TSTD2: variants seen among roughly 807,000 people sequenced by gnomAD.
TSTD2 encodes thiosulfate sulfurtransferase/rhodanese-like domain-containing protein 2.
Under a neutral mutation model 47.9 loss-of-function variants are expected in TSTD2, and 37 were observed. That is an observed-to-expected ratio of 0.77 (90% CI 0.59 to 1.02). The LOEUF is 1.02. TSTD2 is among the 50% of genes least tolerant of loss of function. TSTD2 has a pLI of 0.00. For missense variants in TSTD2, 586 were observed against 616.0 expected (o/e 0.95, Z 0.52); for synonymous variants, 201 against 215.9 (o/e 0.93, Z 0.61).
At chr9:97,602,862 C>T in intron 9 of TSTD2, 95 bp from the exon 10 acceptor site, 1 of 1,315,752 alleles carries the variant, frequency 7.6e-7, no homozygotes, top group Non-Finnish European at 1.0e-6. Context: ...CTCGTAGATC[C>T]TGTGGAACCC....
At chr9:97,603,519 A>T (rs1826307927) in intron 9 of TSTD2, among the ~76,000 whole-genome samples, 1 of 152,194 alleles carries the variant, frequency 6.6e-6, no homozygotes, top group South Asian at 2.1e-4. Context: ...CGAAGTAGTG[A>T]TCAATAAGAG....
Position 97,617,756 on chromosome 9 carries a change from C to A in TSTD2, c.603+1G>T, listed in dbSNP as rs1434649040. On this transcript the variant is annotated splice_donor_variant, in intron 4 of 9. Transcript: ENST00000341170. LOFTEE classifies it high-confidence loss of function. ...GGAAGGAATATAGGAGAAGGTGTTA[C>A]CTTGCCTGTGAGGTGCAGGTGCTGA... 1.2e-6 allele frequency: 2 copies of A among 1,612,540 alleles called. No individual in the cohort carries two copies. The highest frequency in any genetic ancestry group is 3.4e-5 in the Admixed American group (2 of 59,536).
intron 1 of TSTD2, among the ~76,000 whole-genome samples, chr9:97,628,339 T>C (rs1826755844): frequency 6.6e-6 from 1 of 152,166 alleles, no homozygotes; most frequent in Admixed American, 6.5e-5. Flanking sequence ...AGAGGCACAC[T>C]GAGAAAAAGT....
In TSTD2 at chr9:97,600,357, C is replaced by T; in HGVS notation, c.*2112G>A. The T allele has an allele frequency of 1.0e-6, 1 of 986,004 alleles. No individual in the cohort carries two copies. Among genetic ancestry groups the T allele is most frequent in the African/African-American group, 1.7e-5 (1 of 57,316 alleles). 61.1% of individuals were successfully genotyped at this position (986,004 alleles called of 1,614,324 possible). A position where few individuals can be genotyped will look rare whatever the true frequency, so the allele number is the denominator to read the frequency against. ...TGGTGAAATTTCAAGTTTCAAAAAC[C>T]AACCTTTCATTACCAATCCCAGGCA... On this transcript the variant is annotated 3_prime_UTR_variant, in exon 10 of 10. Coordinates refer to ENST00000341170, the MANE Select transcript of TSTD2 (RefSeq NM_139246.5).
chr9:97,618,494 G>T (rs953597676), intron 3 of TSTD2, among the ~76,000 whole-genome samples: 1 of 152,146 alleles, frequency 6.6e-6, no homozygotes, highest in Non-Finnish European at 1.5e-5. Context: ...TAAAATCAGA[G>T]AATGGAAATA....
In TSTD2 at chr9:97,602,583, G is replaced by A. The variant is rs117628421; in HGVS notation, c.1437C>T (p.Cys479=). The change falls in exon 10 of 10, where the codon TGC becomes TGT. Residue 479 remains cysteine (C), a synonymous_variant. Transcript: ENST00000341170. ...TGCGTGGCCGTCGGGCTGTGCACTC[G>A]CATTCCTCTTTAAAGCTGTCTTGCA... ...GPMQDSFKEE[C]ECTARRPRIP... is the part of the protein sequence containing the mutation. 4,592 of 1,614,148 alleles carry A rather than the reference G, an allele frequency of 2.8e-3. 53 individuals carry two copies. Among genetic ancestry groups the A allele is most frequent in the East Asian group, 9.8e-3 (441 of 44,874 alleles).
At chr9:97,626,910 A>C (rs1826730730) in intron 2 of TSTD2, among the ~76,000 whole-genome samples, 1 of 129,892 alleles carries the variant, frequency 7.7e-6, no homozygotes, top group Non-Finnish European at 1.6e-5. Context: ...AAAAGGCAAA[A>C]GAAATGCTAC....
rs747910437 is a variant in TSTD2, at chr9:97,601,624, A to G, written c.*845T>C. 3.0e-6 allele frequency: 3 copies of G among 986,270 alleles called. No individual in the cohort carries two copies. The highest frequency in any genetic ancestry group is 1.2e-4 in the Admixed American group (2 of 16,488). 61.1% of individuals were successfully genotyped at this position (986,270 alleles called of 1,614,324 possible). On this transcript the variant is annotated 3_prime_UTR_variant, in exon 10 of 10. Transcript: ENST00000341170. The stretch of plus-strand genomic sequence containing the variant: ...CAAACTTTTCTGTAAAAGGCCAGAC[A>G]GTAAAAATTTCCGATTTTGCAGGCC...
At chr9:97,621,467 G>C (rs1826634767) in intron 3 of TSTD2, among the ~76,000 whole-genome samples, 1 of 152,194 alleles carries the variant, frequency 6.6e-6, no homozygotes, top group African/African-American at 2.4e-5. Context: ...CTGCCTGCGG[G>C]GCCGGGCAGA....
At chr9:97,626,100 T>C (rs1826716188) in intron 2 of TSTD2, 103 bp from the exon 3 acceptor site, 1 of 1,102,650 alleles carries the variant, frequency 9.1e-7, no homozygotes. Flanking sequence ...CAGGGGCTTC[T>C]AGTTTTATGT....
intron 1 of TSTD2, among the ~76,000 whole-genome samples, chr9:97,627,929 C>T (rs1826748908): frequency 6.6e-6 from 1 of 152,148 alleles, no homozygotes; most frequent in African/African-American, 2.4e-5. Context: ...GAAGAATAAT[C>T]AGCAGGGTAG....
At chr9:97,606,985 C>T (rs1000634423) in intron 6 of TSTD2, among the ~76,000 whole-genome samples, 3 of 151,926 alleles carry the variant, frequency 2.0e-5, no homozygotes, top group Non-Finnish European at 4.4e-5. Flanking sequence ...GGGAACATAG[C>T]GAGACTCTGT....
At chr9:97,627,647 T>G in intron 1 of TSTD2, 35 bp from the exon 2 acceptor site, 5 of 1,321,128 alleles carry the variant, frequency 3.8e-6, no homozygotes, top group Non-Finnish European at 4.1e-6. Flanking sequence ...AGCCATGCTA[T>G]TCTTTGATTT....
rs150422288 is a variant in TSTD2 at position 97,602,722 on chromosome 9, G to C, written c.1298C>G (p.Ser433Cys). The C allele has an allele frequency of 3.4e-4, 544 of 1,614,156 alleles. No individual in the cohort carries two copies. The highest frequency in any genetic ancestry group is 4.2e-4 in the Non-Finnish European group (495 of 1,180,022). Residue 433 changes from serine (S) to cysteine (C), a missense_variant, in exon 10 of 10, where the codon TCT (serine) becomes TGT (cysteine). By Grantham distance (112) the Ser-to-Cys change is moderately radical. Transcript: ENST00000341170. ...GARWDQYKLC[S>C]TPQCRQLVLT... is the part of the protein sequence containing the mutation. ...AACGAGCTGGCGGCACTGGGGAGTA[G>C]AGCAGAGTTTATACTGGTCCCAGCG...
chr9:97,602,459 A>C lies in TSTD2; in HGVS notation c.*10T>G, dbSNP rs1257801324. On this transcript the variant is annotated 3_prime_UTR_variant, in exon 10 of 10. Coordinates refer to ENST00000341170, the MANE Select transcript of TSTD2 (RefSeq NM_139246.5). Reference sequence around the variant, plus strand: ...TTACCGAGGGCCTGGGAAAATGCCAAAGGTGCTGCTCACATAAGCACTGGC... The same window carrying C: ...TTACCGAGGGCCTGGGAAAATGCCACAGGTGCTGCTCACATAAGCACTGGC... 2 of 1,577,550 alleles carry C rather than the reference A, an allele frequency of 1.3e-6. No individual in the cohort carries two copies. The highest frequency in any genetic ancestry group is 2.3e-5 in the South Asian group (2 of 86,438).
At chr9:97,615,162 C>T (rs941235931) in intron 4 of TSTD2, among the ~76,000 whole-genome samples, 1 of 152,214 alleles carries the variant, frequency 6.6e-6, no homozygotes, top group Non-Finnish European at 1.5e-5. Flanking sequence ...GCTCTAAACT[C>T]GTGCACTAGA....
At position 97,601,233 on chromosome 9, in the gene TSTD2, A is replaced by G; in HGVS notation, c.*1236T>C. The G allele has an allele frequency of 7.9e-7, 1 of 1,265,496 alleles. No homozygotes were observed. Among genetic ancestry groups the G allele is most frequent in the Non-Finnish European group, 1.0e-6 (1 of 967,392 alleles). 78.4% of individuals were successfully genotyped at this position (1,265,496 alleles called of 1,614,324 possible). ...GCATCGCTGAAAACTGCAATATAAT[A>G]TTAAATCTGTTGGTCTATGCATGGC... On this transcript the variant is annotated 3_prime_UTR_variant, in exon 10 of 10. Transcript: ENST00000341170.
intron 3 of TSTD2, among the ~76,000 whole-genome samples, chr9:97,620,336 C>T (rs1441194005): frequency 2.0e-4 from 31 of 152,152 alleles, no homozygotes; most frequent in Admixed American, 2.0e-3. Context: ...CCTCCCCTGC[C>T]ATGTGGAACT....
At chr9:97,615,722 G>T (rs1826533030) in intron 4 of TSTD2, among the ~76,000 whole-genome samples, 1 of 152,166 alleles carries the variant, frequency 6.6e-6, no homozygotes, top group Non-Finnish European at 1.5e-5. Flanking sequence ...TTAGCACTTG[G>T]GTTGGGCCAA....
Sources: gnomAD v4.1 joint callset for allele counts (sites outside exome capture counted in the v4.1 genomes callset) on GRCh38, gnomAD v4.1.1 for gene constraint, MANE v1.5 for transcripts, NCBI Gene and HGNC (gene_info 2026-07-23, HGNC 2026-07-21) for gene names.